The following CHRM2 variants were observed in gnomAD, a reference collection of about 807,000 sequenced individuals.
CHRM2 encodes cholinergic receptor muscarinic 2.
CHRM2 carries 8 observed loss-of-function variants against 25.0 expected under a neutral mutation model. That is an observed-to-expected ratio of 0.32 (90% confidence interval 0.19 to 0.58). The LOEUF (loss-of-function observed/expected upper bound fraction) is 0.58. CHRM2 is among the 20% of genes least tolerant of loss of function. The probability of loss-of-function intolerance (pLI) is 0.88; values close to 1 mark genes in which losing one functional copy is unlikely to be tolerated. For synonymous variants in CHRM2, 202 were observed against 205.7 expected (o/e 0.98, Z 0.15); for missense variants, 440 against 567.1 (o/e 0.78, Z 2.28).
At chr7:136,874,567 G>GCC (rs1350306068) in intron 2 of CHRM2, among the ~76,000 whole-genome samples, 1 of 70,952 alleles carries the variant, frequency 1.4e-5, no homozygotes, top group Admixed American at 2.2e-4. Flanking sequence ...CTCTCTCTCT[G>GCC]CCCCCCCTCT....
chr7:136,946,068 A>C (rs1800056207), intron 2 of CHRM2, among the ~76,000 whole-genome samples: 1 of 152,230 alleles, frequency 6.6e-6, no homozygotes, highest in African/African-American at 2.4e-5. Flanking sequence ...CTAAATTCAC[A>C]TCATGAAAAT....
intron 2 of CHRM2, among the ~76,000 whole-genome samples, chr7:136,983,739 T>C (rs1348264393): frequency 1.3e-5 from 2 of 152,202 alleles, no homozygotes; most frequent in African/African-American, 4.8e-5. Flanking sequence ...CTTCAGACCC[T>C]GTTTGCCTGG....
At chr7:136,952,163 A>C (rs899424118) in intron 2 of CHRM2, among the ~76,000 whole-genome samples, 10 of 152,220 alleles carry the variant, frequency 6.6e-5, no homozygotes, top group Admixed American at 5.2e-4. Flanking sequence ...AGAGCTTTGA[A>C]GATATCCACA....
chr7:137,016,254 C>A lies in CHRM2; in HGVS notation c.1389C>A (p.Gly463=), dbSNP rs573795503. 5 of 1,612,464 alleles carry A rather than the reference C, an allele frequency of 3.1e-6. No individual in the cohort carries two copies. In the East Asian group the frequency reaches 1.1e-4, roughly 36 times the overall value. ...TCATGTGTCATTATAAGAACATAGG[C>A]GCTACAAGGTAAAATATCTTTGAAA... ...HLLMCHYKNI[G]ATR is the part of the protein sequence containing the mutation. The change falls in exon 4 of 4, where the codon GGC becomes GGA. Residue 463 remains glycine, a synonymous_variant. Coordinates refer to ENST00000680005, the MANE Select transcript of CHRM2 (RefSeq NM_001006630.2).
chr7:136,972,527 G>T (rs553008888), intron 2 of CHRM2, among the ~76,000 whole-genome samples: 1 of 151,766 alleles, frequency 6.6e-6, no homozygotes, highest in African/African-American at 2.4e-5. Flanking sequence ...TCCCTCTAGC[G>T]TTTTCTCAGA....
At chr7:136,926,894 C>G (rs907568182) in intron 2 of CHRM2, among the ~76,000 whole-genome samples, 2 of 152,178 alleles carry the variant, frequency 1.3e-5, no homozygotes, top group African/African-American at 4.8e-5. Context: ...GAAAACCAAG[C>G]CATGCTGCCT....
chr7:136,914,639 T>C (rs1460261885), intron 2 of CHRM2, among the ~76,000 whole-genome samples: 2 of 151,958 alleles, frequency 1.3e-5, no homozygotes, highest in Non-Finnish European at 2.9e-5. Context: ...ATGTTACGTT[T>C]TCTGATTCAA....
chr7:136,903,090 A>T (rs1481902968), intron 2 of CHRM2: 106 of 525,608 alleles, frequency 2.0e-4, no homozygotes, highest in Middle Eastern at 3.6e-4. Flanking sequence ...AAACAACAGA[A>T]ACTCATTTGG....
intron 3 of CHRM2, among the ~76,000 whole-genome samples, chr7:136,994,994 C>T (rs894754956): frequency 6.6e-6 from 1 of 152,090 alleles, no homozygotes; most frequent in Admixed American, 6.6e-5. Flanking sequence ...ATACAATTAA[C>T]TTTAATAAAT....
chr7:136,893,524 A>G (rs1441992059), intron 2 of CHRM2, among the ~76,000 whole-genome samples: 1 of 152,104 alleles, frequency 6.6e-6, no homozygotes, highest in Non-Finnish European at 1.5e-5. Context: ...CTTCCTCCTC[A>G]CTAGATTGCC....
intron 2 of CHRM2, among the ~76,000 whole-genome samples, chr7:136,922,450 T>C (rs1798501827): frequency 6.6e-6 from 1 of 152,210 alleles, no homozygotes; most frequent in South Asian, 2.1e-4. Context: ...CTTGTACTTC[T>C]TAGTAAAAAA....
intron 2 of CHRM2, among the ~76,000 whole-genome samples, chr7:136,918,913 C>T (rs1437332937): frequency 1.3e-5 from 2 of 152,068 alleles, no homozygotes; most frequent in African/African-American, 4.8e-5. Flanking sequence ...GAAAATCTTG[C>T]TGAAAGGTTT....
intron 3 of CHRM2, among the ~76,000 whole-genome samples, chr7:137,013,153 A>C (rs1365895261): frequency 6.6e-6 from 1 of 151,956 alleles, no homozygotes; most frequent in East Asian, 1.9e-4. Flanking sequence ...GCAATTTACA[A>C]ATATTGTTTC....
chr7:136,898,675 A>G (rs1563052860), intron 2 of CHRM2: 1 of 152,094 alleles, frequency 6.6e-6, no homozygotes, highest in Non-Finnish European at 1.5e-5. Flanking sequence ...ATTCTGGTAT[A>G]TAGTAAATAG....
chr7:136,902,748 AT>A (rs1230287982), intron 2 of CHRM2: 2 of 205,658 alleles, frequency 9.7e-6, no homozygotes, highest in African/African-American at 4.8e-5. Flanking sequence ...CCACCATACA[AT>A]AATAGATAAC....
chr7:136,875,195 T>A (rs11763464), intron 2 of CHRM2, among the ~76,000 whole-genome samples: 24,634 of 150,110 alleles, frequency 0.16, 2,409 homozygotes, highest in Non-Finnish European at 0.23. Flanking sequence ...AAGAAAAAAA[T>A]ATATATACAT....
At chr7:136,944,638 G>A (rs1223547595) in intron 2 of CHRM2, among the ~76,000 whole-genome samples, 2 of 152,082 alleles carry the variant, frequency 1.3e-5, no homozygotes, top group Non-Finnish European at 2.9e-5. Flanking sequence ...AACATTTCAT[G>A]TGCAAGCATC....
At chr7:136,936,775 T>G (rs1410085282) in intron 2 of CHRM2, among the ~76,000 whole-genome samples, 1 of 152,322 alleles carries the variant, frequency 6.6e-6, no homozygotes, top group Non-Finnish European at 1.5e-5. Context: ...TTCAAATATT[T>G]TCAACATTTT....
chr7:136,954,341 T>A (rs1800594186), intron 2 of CHRM2, among the ~76,000 whole-genome samples: 1 of 152,182 alleles, frequency 6.6e-6, no homozygotes, highest in Admixed American at 6.5e-5. Context: ...GTGTGAAATC[T>A]CAAACTTTCA....
Sources: gnomAD v4.1 joint callset for allele counts (sites outside exome capture counted in the v4.1 genomes callset) on GRCh38, gnomAD v4.1.1 for gene constraint, MANE v1.5 for transcripts, NCBI Gene and HGNC (gene_info 2026-07-23, HGNC 2026-07-21) for gene names.